The following MRPS25 variants were observed in gnomAD, a reference collection of about 807,000 sequenced individuals.
The protein encoded by MRPS25 is mitochondrial ribosomal protein S25.
Under a neutral mutation model 17.3 loss-of-function variants are expected in MRPS25, and 15 were observed. The ratio of observed to expected loss-of-function variants is 0.87; its 90% CI spans 0.58 to 1.34. The LOEUF (loss-of-function observed/expected upper bound fraction) is 1.34, where lower values mean the gene tolerates loss of function less well. Ranked by LOEUF, MRPS25 falls within the 40% of genes most tolerant of loss-of-function variation. MRPS25 has a pLI of 0.00. For missense variants in MRPS25, 225 were observed against 218.6 expected (o/e 1.03, Z -0.19); for synonymous variants, 94 against 83.3 (o/e 1.13, Z -0.70).
chr3:15,062,080 G>C (rs1173834695), intron 1 of MRPS25, among the ~76,000 whole-genome samples: 11 of 147,724 alleles, frequency 7.4e-5, no homozygotes, highest in Non-Finnish European at 1.5e-4. Flanking sequence ...CGCCCCGTCT[G>C]GGAGGGAGGT....
intron 1 of MRPS25, among the ~76,000 whole-genome samples, chr3:15,063,703 T>C (rs2042812985): frequency 2.0e-5 from 3 of 151,950 alleles, no homozygotes; most frequent in Admixed American, 1.3e-4. Context: ...AGCCAGAGAT[T>C]TACATAAAAA....
intron 1 of MRPS25, among the ~76,000 whole-genome samples, chr3:15,062,249 G>C (rs76428855): frequency 0.15 from 282 of 1,828 alleles, 139 homozygotes; most frequent in East Asian, 0.3. Flanking sequence ...CCAGCCGCCC[G>C]GTCCGGGAGG....
chr3:15,045,732 C>T (rs1398485320), downstream of MRPS25: 1 of 152,662 alleles, frequency 6.6e-6, no homozygotes, highest in Non-Finnish European at 1.5e-5. Flanking sequence ...CCAACTTTCA[C>T]AGGGCTTATA....
At chr3:15,056,395 C>A (rs543796901) in intron 2 of MRPS25, among the ~76,000 whole-genome samples, 1 of 152,220 alleles carries the variant, frequency 6.6e-6, no homozygotes, top group Non-Finnish European at 1.5e-5. Context: ...GAGATGTCCA[C>A]ATCCTAACCC....
chr3:15,061,985 G>C (rs2343627), intron 1 of MRPS25, among the ~76,000 whole-genome samples: 1 of 138,336 alleles, frequency 7.2e-6, no homozygotes, highest in Non-Finnish European at 1.6e-5. Flanking sequence ...CCCGGCAGCC[G>C]CCCCGTCTGG....
chr3:15,064,240 A>G (rs80309687), intron 1 of MRPS25, among the ~76,000 whole-genome samples: 4,835 of 152,200 alleles, frequency 0.032, 134 homozygotes, highest in East Asian at 0.12. Context: ...GAGTGTACTC[A>G]ATAAATGTAG....
Position 15,059,399 on chromosome 3 carries a change from T to C in MRPS25, c.211A>G (p.Thr71Ala). 1 of 1,613,706 alleles carries C rather than the reference T, an allele frequency of 6.2e-7. No individual in the cohort carries two copies. Among genetic ancestry groups the C allele is most frequent in the South Asian group, 1.1e-5 (1 of 91,010 alleles). ...TAGAATCGCAGGAAGGGTGACGGCG[T>C]CATGTTCTTAAACATCATGATCTGC... ...WVQIMMFKNM[T>A]PSPFLRFYLD... Residue 71 changes from threonine (T) to alanine (A), a missense_variant, in exon 2 of 4, where the codon ACG becomes GCG. Transcript: ENST00000253686.
downstream of MRPS25, chr3:15,045,857 T>A (rs962394481): frequency 1.3e-5 from 2 of 152,286 alleles, no homozygotes; most frequent in African/African-American, 4.8e-5. Context: ...TGGCTGCTCC[T>A]CCCTCAATGA....
chr3:15,061,784 C>T (rs927509434), intron 1 of MRPS25, among the ~76,000 whole-genome samples: 2 of 150,994 alleles, frequency 1.3e-5, no homozygotes, highest in African/African-American at 2.4e-5. Flanking sequence ...GCCTTTGCCC[C>T]GCCGCCCCAT....
Position 15,061,588 on chromosome 3 carries a change from T to C in MRPS25, c.135-2113A>G, listed in dbSNP as rs188461329. Among the ~76,000 whole-genome samples the C allele has an allele frequency of 5.7e-3, 869 of 152,320 alleles. 10 individuals carry two copies. Among genetic ancestry groups the C allele is most frequent in the African/African-American group, 0.02 (825 of 41,570 alleles). On this transcript the variant is annotated intron_variant, in intron 1 of 3. Coordinates refer to ENST00000253686, the MANE Select transcript of MRPS25 (RefSeq NM_022497.5). ...CTATAGCCTCCACCTCCCAGCCGCCTGCCTTGGCCTCCCAAAGTGTCCAGA... is the reference window on the plus strand; with the variant it reads ...CTATAGCCTCCACCTCCCAGCCGCCCGCCTTGGCCTCCCAAAGTGTCCAGA...
intron 1 of MRPS25, among the ~76,000 whole-genome samples, chr3:15,061,820 C>G (rs1197270106): frequency 6.6e-6 from 1 of 151,810 alleles, no homozygotes; most frequent in East Asian, 2.0e-4. Context: ...CGCCTCTGCC[C>G]GGCCGCGACC....
At chr3:15,047,603 G>C (rs2042501605), downstream of MRPS25, 1 of 152,234 alleles carries the variant, frequency 6.6e-6, no homozygotes, top group South Asian at 2.1e-4. Context: ...CCCAAAGATG[G>C]TAGCAATTTC....
chr3:15,047,273 C>G (rs2042490435), downstream of MRPS25: 1 of 152,212 alleles, frequency 6.6e-6, no homozygotes, highest in African/African-American at 2.4e-5. Context: ...GGTGAGCCTG[C>G]CTGGGAAGGG....
chr3:15,043,005 A>G (rs1280590566), downstream of MRPS25: 6 of 1,613,782 alleles, frequency 3.7e-6, no homozygotes, highest in South Asian at 1.1e-5. Flanking sequence ...GAGCCAGTCT[A>G]TAGCGCAAAC....
Position 15,065,256 on chromosome 3 carries a change from T to C in MRPS25, c.-62A>G, listed in dbSNP as rs1408674835. 21 of 1,494,534 alleles carry C rather than the reference T, an allele frequency of 1.4e-5. No individual in the cohort carries two copies. In the East Asian group the frequency reaches 2.3e-4, roughly 16 times the overall value. 92.6% of individuals were successfully genotyped at this position (1,494,534 alleles called of 1,614,324 possible). ...GAGCCGAGCAGCGACGAGAAAGGAC[T>C]AGCTAGCACCCGCGCGGATCTCACG... On this transcript the variant is annotated 5_prime_UTR_variant, in exon 1 of 4. Coordinates refer to ENST00000253686, the MANE Select transcript of MRPS25 (RefSeq NM_022497.5).
downstream of MRPS25, chr3:15,048,202 C>G (rs2042524380): frequency 1.3e-5 from 2 of 152,664 alleles, no homozygotes; most frequent in South Asian, 4.1e-4. Context: ...CCTTCAGCTT[C>G]CCTGTTTTTG....
intron 2 of MRPS25, among the ~76,000 whole-genome samples, chr3:15,055,281 G>T (rs1341525403): frequency 1.3e-5 from 2 of 152,180 alleles, no homozygotes; most frequent in African/African-American, 2.4e-5. Flanking sequence ...AACTGAACAT[G>T]AGATTTGGGT....
In MRPS25 at chr3:15,049,643, T is replaced by C. The variant is rs572424938; in HGVS notation, c.*2798A>G. The C allele has an allele frequency of 2.1e-3, 1,128 of 530,914 alleles. 2 individuals carry two copies. Among genetic ancestry groups the C allele is most frequent in the Non-Finnish European group, 3.0e-3 (933 of 306,336 alleles). The allele number at this position is 530,914 out of a possible 1,614,324, so 32.9% of individuals were successfully genotyped here. A position where few individuals can be genotyped will look rare whatever the true frequency, so the allele number is the denominator to read the frequency against. ...AAGCTTATTCTCTAAGGATACGTGCTATCAAGGGCAAAAACAAGCTCCAAA... is the reference window on the plus strand; with the variant it reads ...AAGCTTATTCTCTAAGGATACGTGCCATCAAGGGCAAAAACAAGCTCCAAA... On this transcript the variant is annotated 3_prime_UTR_variant, in exon 4 of 4. Transcript: ENST00000253686.
At chr3:15,042,750 C>A, downstream of MRPS25, 1 of 1,294,192 alleles carries the variant, frequency 7.7e-7, no homozygotes, top group Non-Finnish European at 1.1e-6. Flanking sequence ...CTGTGCAATA[C>A]AGACGGGACC....
Sources: allele counts gnomAD v4.1 joint callset (sites outside exome capture counted in the v4.1 genomes callset), GRCh38; gene constraint gnomAD v4.1.1; transcripts MANE v1.5; gene names NCBI Gene and HGNC (gene_info 2026-07-23, HGNC 2026-07-21).